The following PCDHA11 variants were observed in gnomAD, a reference collection of about 807,000 sequenced individuals.
PCDHA11 encodes protocadherin alpha 11.
Under a neutral mutation model 70.3 loss-of-function variants are expected in PCDHA11, and 61 were observed. That is an observed-to-expected ratio of 0.87 (90% confidence interval 0.71 to 1.07). PCDHA11 has a LOEUF of 1.07. Among genes scored for constraint, PCDHA11 ranks in the 50% least tolerant of loss-of-function variants. The pLI, the probability that PCDHA11 is intolerant of heterozygous loss-of-function variation, is 0.00. For synonymous variants in PCDHA11, 633 were observed against 555.1 expected, an observed-to-expected ratio of 1.14 and a Z score of -1.97; for missense variants, 1,324 against 1,237.5, an observed-to-expected ratio of 1.07 and a Z score of -1.05.
chr5:140,935,257 C>A (rs1200153130), intron 1 of PCDHA11, among the ~76,000 whole-genome samples: 10 of 152,150 alleles, frequency 6.6e-5, no homozygotes, highest in South Asian at 4.1e-4. Context: ...AAATACATCA[C>A]ATGTTTATAC....
chr5:140,903,346 A>G (rs76789733), intron 1 of PCDHA11, among the ~76,000 whole-genome samples: 12,326 of 152,302 alleles, frequency 0.081, 540 homozygotes, highest in Middle Eastern at 0.13. Context: ...TGCATTTTAA[A>G]AAACAAGTTT....
chr5:140,927,685 A>G lies in PCDHA11; in HGVS notation c.2392-51264A>G, dbSNP rs782137754. 2.5e-6 allele frequency: 4 copies of G among 1,614,092 alleles called. No individual in the cohort carries two copies. In the African/African-American group the frequency reaches 4.0e-5, roughly 16 times the overall value. ...AGCCTTGGATCCAGATGAAGGGTCC[A>G]ATGGGGAAGTCCAGTACTCCCTAAG... is the stretch of plus-strand genomic sequence containing the variant. On this transcript the variant is annotated intron_variant, in intron 1 of 3. Transcript: ENST00000398640.
chr5:140,946,916 T>C (rs1554217963), intron 1 of PCDHA11, among the ~76,000 whole-genome samples: 4 of 151,468 alleles, frequency 2.6e-5, no homozygotes, highest in Non-Finnish European at 5.9e-5. Context: ...GTTCTGGTGT[T>C]TTATTGAACA....
At chr5:140,986,940 G>A (rs1371744170) in intron 3 of PCDHA11, among the ~76,000 whole-genome samples, 1 of 152,280 alleles carries the variant, frequency 6.6e-6, no homozygotes, top group South Asian at 2.1e-4. Flanking sequence ...GAGGCTGGGT[G>A]TGGTCGCTCA....
chr5:140,869,761 C>T lies in PCDHA11; in HGVS notation c.658C>T (p.Pro220Ser), dbSNP rs782673770. ...LLLTATDGGK[P>S]ELTGTVRLLV... Reference sequence around the variant, plus strand: ...GCTAACAGCTACAGACGGGGGAAAACCAGAGCTTACTGGCACCGTTCGGCT... The same window carrying T: ...GCTAACAGCTACAGACGGGGGAAAATCAGAGCTTACTGGCACCGTTCGGCT... Residue 220 changes from proline (P) to serine (S), a missense_variant, in exon 1 of 4, where the codon CCA (proline) becomes TCA (serine). By Grantham distance (74) the Pro-to-Ser change is moderately conservative (BLOSUM62 -1). Coordinates refer to ENST00000398640, the MANE Select transcript of PCDHA11 (RefSeq NM_018902.5). 1 of 1,613,150 alleles carries T rather than the reference C, an allele frequency of 6.2e-7. No individual in the cohort carries two copies. The highest frequency in any genetic ancestry group is 8.5e-7 in the Non-Finnish European group (1 of 1,179,710).
chr5:141,005,814 A>G (rs947359019), intron 3 of PCDHA11, among the ~76,000 whole-genome samples: 1 of 149,766 alleles, frequency 6.7e-6, no homozygotes, highest in Non-Finnish European at 1.5e-5. Context: ...GGAGCCAGGT[A>G]TGGTGGCCTG....
intron 1 of PCDHA11, chr5:140,967,470 C>T (rs1554229592): frequency 1.2e-6 from 2 of 1,613,462 alleles, no homozygotes; most frequent in Non-Finnish European, 8.5e-7. Context: ...GGGGGCATCC[C>T]AGCCCGCTCG....
intron 1 of PCDHA11, among the ~76,000 whole-genome samples, chr5:140,960,579 C>G (rs2095556928): frequency 6.6e-6 from 1 of 152,052 alleles, no homozygotes; most frequent in South Asian, 2.1e-4. Context: ...AGTTGGAAAA[C>G]AGTTCAAATT....
intron 3 of PCDHA11, among the ~76,000 whole-genome samples, chr5:141,000,381 CTCTCTCTCTCTCTCTATA>C (rs1371464108): frequency 4.9e-5 from 3 of 61,382 alleles, no homozygotes; most frequent in South Asian, 5.3e-4. Flanking sequence ...CTCTCTCTCT[CTCTCTCTCTCTCTCTATA>C]TATATATATA....
chr5:140,901,092 T>C (rs1374524038), intron 1 of PCDHA11, among the ~76,000 whole-genome samples: 5 of 152,228 alleles, frequency 3.3e-5, no homozygotes, highest in African/African-American at 1.2e-4. Context: ...TTGAGCTCCT[T>C]CTACATTCTG....
In PCDHA11 at chr5:140,944,191, G is replaced by T. The variant is rs181232402; in HGVS notation, c.2392-34758G>T. The stretch of plus-strand genomic sequence containing the variant: ...GGCTGGTTTTTTGTTGGTTTGTTTT[G>T]TTTTGTTTTGTTTTTAAAGAGGGTT... On this transcript the variant is annotated intron_variant, in intron 1 of 3. Coordinates refer to ENST00000398640, the MANE Select transcript of PCDHA11 (RefSeq NM_018902.5). 9.2e-5 allele frequency among the ~76,000 whole-genome samples: 14 copies of T among 152,098 alleles called. No individual in the cohort carries two copies. The East Asian group carries it at 2.5e-3, about 27-fold the overall frequency.
Position 140,969,016 on chromosome 5 carries a change from A to C in PCDHA11, c.2392-9933A>C. Reference sequence around the variant, plus strand: ...GTGGAGGCTTCTGTGGAGTAAGGGAAAGGTCCCCTGCAGAACTGTACAAAC... The same window carrying C: ...GTGGAGGCTTCTGTGGAGTAAGGGACAGGTCCCCTGCAGAACTGTACAAAC... On this transcript the variant is annotated intron_variant, in intron 1 of 3. Coordinates refer to ENST00000398640, the MANE Select transcript of PCDHA11 (RefSeq NM_018902.5). 6.2e-7 allele frequency: 1 copy of C among 1,614,172 alleles called. No homozygotes were observed. Among genetic ancestry groups the C allele is most frequent in the South Asian group, 1.1e-5 (1 of 91,072 alleles).
At chr5:140,982,336 A>G in intron 2 of PCDHA11, 139 bp from the exon 3 acceptor site, 1 of 1,449,074 alleles carries the variant, frequency 6.9e-7, no homozygotes, top group Non-Finnish European at 9.2e-7. Context: ...GCTCAGCAGT[A>G]ATTGCTTCAG....
chr5:140,896,536 CTT>C (rs34213614), intron 1 of PCDHA11, among the ~76,000 whole-genome samples: 1 of 145,640 alleles, frequency 6.9e-6, no homozygotes. Flanking sequence ...AGCTATTTTT[CTT>C]TTTTTTTTTT....
At chr5:140,962,790 C>T (rs899867239) in intron 1 of PCDHA11, among the ~76,000 whole-genome samples, 28 of 152,286 alleles carry the variant, frequency 1.8e-4, no homozygotes, top group African/African-American at 6.0e-4. Flanking sequence ...TTAAAAACTA[C>T]TTTGGACAAC....
intron 1 of PCDHA11, chr5:140,884,355 T>A (rs1562803326): frequency 1.9e-6 from 3 of 1,613,922 alleles, no homozygotes; most frequent in East Asian, 2.2e-5. Context: ...CTGGTGGATG[T>A]CAATGTTTAC....
chr5:141,009,298 T>C (rs1196659486), intron 3 of PCDHA11, among the ~76,000 whole-genome samples: 1 of 152,130 alleles, frequency 6.6e-6, no homozygotes, highest in Non-Finnish European at 1.5e-5. Context: ...CTATAAAATT[T>C]TTTTTAAAAA....
intron 3 of PCDHA11, among the ~76,000 whole-genome samples, chr5:141,000,383 C>G (rs1324907388): frequency 4.7e-5 from 3 of 63,178 alleles, no homozygotes; most frequent in South Asian, 1.1e-3. Flanking sequence ...CTCTCTCTCT[C>G]TCTCTCTCTC....
chr5:140,959,491 G>A (rs761208761), intron 1 of PCDHA11, among the ~76,000 whole-genome samples: 6 of 151,956 alleles, frequency 3.9e-5, no homozygotes, highest in Non-Finnish European at 7.4e-5. Context: ...TGTTATATAT[G>A]GATCAAACTA....
Sources: gnomAD v4.1 joint callset for allele counts (sites outside exome capture counted in the v4.1 genomes callset) on GRCh38, gnomAD v4.1.1 for gene constraint, MANE v1.5 for transcripts, NCBI Gene and HGNC (gene_info 2026-07-23, HGNC 2026-07-21) for gene names.